The following BLTP1 variants were observed in gnomAD, a reference collection of about 807,000 sequenced individuals.
BLTP1 encodes fragile site-associated protein.
the BLTP1 span, among the ~76,000 whole-genome samples, chr4:122,296,025 G>A: frequency 1.1e-4 from 16 of 152,284 alleles, no homozygotes; most frequent in African/African-American, 2.9e-4. Flanking sequence ...ACTGGCACAA[G>A]ACAAGAATGC....
the BLTP1 span, chr4:122,226,818 C>T: frequency 9.3e-6 from 15 of 1,608,216 alleles, no homozygotes; most frequent in Non-Finnish European, 1.3e-5. Flanking sequence ...AATTGATCGT[C>T]GGTTCTGTGA....
the BLTP1 span, among the ~76,000 whole-genome samples, chr4:122,193,185 G>A: frequency 3.2e-3 from 485 of 152,242 alleles, 3 homozygotes; most frequent in Non-Finnish European, 4.0e-3. Context: ...TCCAAATATA[G>A]TCACATTCTG....
chr4:122,232,304 C>G, the BLTP1 span: 1 of 172,032 alleles, frequency 5.8e-6, no homozygotes, highest in Admixed American at 6.5e-5. Context: ...TTCCCTGTAT[C>G]CCCCAAGTAG....
the BLTP1 span, chr4:122,186,025 G>C: frequency 6.6e-7 from 1 of 1,518,674 alleles, no homozygotes; most frequent in Non-Finnish European, 8.8e-7. Context: ...TTTTGTAATT[G>C]GTGTCTTTAG....
the BLTP1 span, chr4:122,349,867 G>T: frequency 6.2e-7 from 1 of 1,613,364 alleles, no homozygotes; most frequent in Non-Finnish European, 8.5e-7. The surrounding 1 kb of genome is among the most constrained non-coding windows in gnomAD (Gnocchi z 4.5). Context: ...TGAGATTTTC[G>T]TCCATGGAGA....
At chr4:122,273,541 C>T in the BLTP1 span, 1 of 522,432 alleles carries the variant, frequency 1.9e-6, no homozygotes. Flanking sequence ...TTAAGAATGA[C>T]CATACTCATT....
At chr4:122,237,951 C>T in the BLTP1 span, 1 of 867,518 alleles carries the variant, frequency 1.2e-6, no homozygotes, top group Non-Finnish European at 1.6e-6. Context: ...CCACTGTATT[C>T]CAGCCTGGTG....
chr4:122,226,729 G>A, the BLTP1 span: 1 of 1,613,538 alleles, frequency 6.2e-7, no homozygotes, highest in Non-Finnish European at 8.5e-7. Flanking sequence ...TTGGAGTGGG[G>A]ACAGACATTT....
chr4:122,265,949 C>T, the BLTP1 span, among the ~76,000 whole-genome samples: 2 of 152,196 alleles, frequency 1.3e-5, no homozygotes, highest in Admixed American at 6.5e-5. Context: ...CTGCCTTGGC[C>T]TCCCAAAGTG....
chr4:122,287,700 A>T, the BLTP1 span: 2 of 985,344 alleles, frequency 2.0e-6, no homozygotes, highest in Non-Finnish European at 2.4e-6. Context: ...GACATATTTA[A>T]GTCTGATTTA....
the BLTP1 span, chr4:122,244,140 G>GAACA: frequency 6.1e-6 from 7 of 1,147,436 alleles, no homozygotes; most frequent in Non-Finnish European, 8.2e-6. Flanking sequence ...ATAAGTATAT[G>GAACA]TGATATATGT....
chr4:122,152,962 A>G, the BLTP1 span: 1 of 982,606 alleles, frequency 1.0e-6, no homozygotes, highest in Non-Finnish European at 1.2e-6. Flanking sequence ...ATGCTGCTTA[A>G]TATAGGGTCG....
chr4:122,152,444 A>T, the BLTP1 span: 1 of 985,786 alleles, frequency 1.0e-6, no homozygotes, highest in Admixed American at 6.1e-5. Context: ...GCGGGGCTAA[A>T]GGGTGTGGGC....
the BLTP1 span, chr4:122,353,014 G>A: frequency 6.2e-7 from 1 of 1,613,998 alleles, no homozygotes; most frequent in Non-Finnish European, 8.5e-7. The surrounding 1 kb of genome is among the most constrained non-coding windows in gnomAD (Gnocchi z 4.3). Flanking sequence ...GCAATTTGGA[G>A]GATCAATGAG....
At chr4:122,246,755 G>T in the BLTP1 span, 16 of 1,613,034 alleles carry the variant, frequency 9.9e-6, no homozygotes, top group South Asian at 1.8e-4. Flanking sequence ...TGTGACTCAT[G>T]TTTCCCTAGT....
At chr4:122,348,825 G>T in the BLTP1 span, 2 of 730,204 alleles carry the variant, frequency 2.7e-6, no homozygotes, top group Admixed American at 6.6e-5. Flanking sequence ...ATTTGAAAAA[G>T]AAGTAGATAA....
the BLTP1 span, among the ~76,000 whole-genome samples, chr4:122,293,776 G>A: frequency 6.6e-6 from 1 of 152,196 alleles, no homozygotes; most frequent in Admixed American, 6.5e-5. Context: ...AGAACCACTG[G>A]CTTGGAATTC....
At chr4:122,354,518 G>T in the BLTP1 span, among the ~76,000 whole-genome samples, 3 of 151,374 alleles carry the variant, frequency 2.0e-5, no homozygotes, top group South Asian at 4.2e-4. Context: ...TCTTGTGATA[G>T]TGTGGTCATG....
the BLTP1 span, chr4:122,270,442 C>A: frequency 1.6e-6 from 1 of 630,622 alleles, no homozygotes; most frequent in South Asian, 7.0e-5. Context: ...TTAAAATTTA[C>A]TATAATAGTC....
Sources: allele counts gnomAD v4.1 joint callset (sites outside exome capture counted in the v4.1 genomes callset), GRCh38; gene constraint gnomAD v4.1.1; non-coding constraint Gnocchi (gnomAD v3.1); transcripts MANE v1.5; gene names NCBI Gene and HGNC (gene_info 2026-07-23, HGNC 2026-07-21).